The following CTSD variants were observed in gnomAD, a reference collection of about 807,000 sequenced individuals.
CTSD encodes cathepsin D.
Under a neutral mutation model 43.6 loss-of-function variants are expected in CTSD, and 28 were observed. That is an observed-to-expected ratio of 0.64 (90% CI 0.48 to 0.88). The LOEUF is 0.88. Ranked by LOEUF, CTSD falls within the 40% of genes least tolerant of loss-of-function variation. The pLI is 0.00. For missense variants in CTSD, 485 were observed against 555.2 expected (o/e 0.87, Z 1.27); for synonymous variants, 270 against 249.8 (o/e 1.08, Z -0.76).
At chr11:1,754,567 GGAGATGGAGGGTCATGAAGAGTCACAGA>G (rs1482518132) in intron 6 of CTSD, among the ~76,000 whole-genome samples, 4 of 139,258 alleles carry the variant, frequency 2.9e-5, no homozygotes, top group East Asian at 2.2e-4. Context: ...GAGGGATGGA[GGAGATGGAGGGTCATGAAGAGTCACAGA>G]GGGATGAGGG....
At chr11:1,755,144 T>G in intron 5 of CTSD, 116 bp from the exon 6 acceptor site, 1 of 1,248,244 alleles carries the variant, frequency 8.0e-7, no homozygotes, top group Non-Finnish European at 1.2e-6. Context: ...GGAGGGGCCT[T>G]TCTGAAACTG....
In CTSD at chr11:1,754,358, G is replaced by GGAGGGATGGAGGGGCATA; in HGVS notation, c.828-221_828-220insTATGCCCCTCCATCCCTC. The stretch of plus-strand genomic sequence containing the variant: ...ACCCTCAGGTGGTGGTGAGGGGCAT[G>GGAGGGATGGAGGGGCATA]GAGGGATGGAGGGGATGGAGGGGCA... On this transcript the variant is annotated intron_variant, in intron 6 of 8. Transcript: ENST00000236671. The GGAGGGATGGAGGGGCATA allele has an allele frequency of 1.2e-5, 6 of 509,074 alleles. No individual in the cohort carries two copies. The East Asian group carries it at 1.4e-4, about 12-fold the overall frequency. 31.5% of individuals were successfully genotyped at this position (509,074 alleles called of 1,614,324 possible). A position where few individuals can be genotyped will look rare whatever the true frequency, so the allele number is the denominator to read the frequency against.
At chr11:1,761,035 C>T (rs186097720) in intron 2 of CTSD, 28 of 495,720 alleles carry the variant, frequency 5.6e-5, no homozygotes, top group Non-Finnish European at 8.5e-5. Flanking sequence ...GCCCAAGGAC[C>T]GCCCCCTCAG....
At chr11:1,758,061 G>A (rs1384390868) in intron 4 of CTSD, 2 of 213,904 alleles carry the variant, frequency 9.3e-6, no homozygotes, top group Admixed American at 5.4e-5. Context: ...ATGTGGGAAG[G>A]GAACGACAGC....
At chr11:1,759,223 C>A in intron 3 of CTSD, 136 bp from the exon 4 acceptor site, 1 of 886,552 alleles carries the variant, frequency 1.1e-6, no homozygotes, top group Non-Finnish European at 1.9e-6. Context: ...TGGAGGGGAT[C>A]TGAGGCCCAC....
chr11:1,753,402 G>A lies in CTSD; in HGVS notation c.*101C>T, dbSNP rs549482755. On this transcript the variant is annotated 3_prime_UTR_variant, in exon 9 of 9. Coordinates refer to ENST00000236671, the MANE Select transcript of CTSD (RefSeq NM_001909.5). ...TTCCAGGGCGCCCAGGACAGTGGGC[G>A]GGCGAGTGTGTGGGTGTGTGTGGGA... 31 of 1,426,110 alleles carry A rather than the reference G, an allele frequency of 2.2e-5. No homozygotes were observed. Among genetic ancestry groups the A allele is most frequent in the Middle Eastern group, 1.8e-4 (1 of 5,546 alleles). 88.3% of individuals were successfully genotyped at this position (1,426,110 alleles called of 1,614,324 possible).
At position 1,753,109 on chromosome 11, in the gene CTSD, A is replaced by G. The variant is rs1845747030; in HGVS notation, c.*394T>C. 2 of 311,732 alleles carry G rather than the reference A, an allele frequency of 6.4e-6. No individual in the cohort carries two copies. The highest frequency in any genetic ancestry group is 1.3e-5 in the Non-Finnish European group (2 of 159,986). The allele number at this position is 311,732 out of a possible 1,614,324, so 19.3% of individuals were successfully genotyped here. On this transcript the variant is annotated 3_prime_UTR_variant, in exon 9 of 9. Transcript: ENST00000236671. Reference sequence around the variant, plus strand: ...GCAGGTTTCCAAGGGAGGGCCCGGGAGGACGGCCTGGTGTGGGGTAGGGGC... The same window carrying G: ...GCAGGTTTCCAAGGGAGGGCCCGGGGGGACGGCCTGGTGTGGGGTAGGGGC...
At chr11:1,763,353 C>T (rs914067470) in intron 1 of CTSD, among the ~76,000 whole-genome samples, 3 of 152,226 alleles carry the variant, frequency 2.0e-5, no homozygotes, top group Admixed American at 6.5e-5. Context: ...CCCCAGTTCA[C>T]AGGTGGTAAA....
chr11:1,753,346 C>A lies in CTSD; in HGVS notation c.*157G>T. 2 of 823,932 alleles carry A rather than the reference C, an allele frequency of 2.4e-6. No individual in the cohort carries two copies. Among genetic ancestry groups the A allele is most frequent in the Non-Finnish European group, 4.1e-6 (2 of 492,728 alleles). The allele number at this position is 823,932 out of a possible 1,614,324, so 51.0% of individuals were successfully genotyped here. A position where few individuals can be genotyped will look rare whatever the true frequency, so the allele number is the denominator to read the frequency against. On this transcript the variant is annotated 3_prime_UTR_variant, in exon 9 of 9. Transcript: ENST00000236671. ...ACCCAGGGAGGGGAAAACCACAGAA[C>A]AAAACAGCAAGTCGGGCTTGGGCCG...
chr11:1,754,891 G>A lies in CTSD; in HGVS notation c.827+15C>T. On this transcript the variant is annotated intron_variant, in intron 6 of 8. Coordinates refer to ENST00000236671, the MANE Select transcript of CTSD (RefSeq NM_001909.5). ...CCCACAGAACCCAGGGGAGCCGACTGCAGCCACTACTCACTGGTCCAGGTG... is the reference window on the plus strand; with the variant it reads ...CCCACAGAACCCAGGGGAGCCGACTACAGCCACTACTCACTGGTCCAGGTG... 1 of 1,613,552 alleles carries A rather than the reference G, an allele frequency of 6.2e-7. No homozygotes were observed.
chr11:1,753,986 G>A lies in CTSD; in HGVS notation c.972+8C>T. The A allele has an allele frequency of 6.2e-7, 1 of 1,603,136 alleles. No homozygotes were observed. Among genetic ancestry groups the A allele is most frequent in the Non-Finnish European group, 8.5e-7 (1 of 1,174,844 alleles). The stretch of plus-strand genomic sequence containing the variant: ...GCCCCAGCCCCAGCCCCAGCCCCCG[G>A]CGCTCACCTCGCCCTGAATCAGCGG... On this transcript the variant is annotated splice_region_variant and intron_variant, in intron 7 of 8. Coordinates refer to ENST00000236671, the MANE Select transcript of CTSD (RefSeq NM_001909.5).
rs772742148 is a variant in CTSD, at chr11:1,753,512, G to C, written c.1230C>G (p.Ala410=). 4.3e-6 allele frequency: 7 copies of C among 1,612,822 alleles called. No homozygotes were observed. The highest frequency in any genetic ancestry group is 5.9e-6 in the Non-Finnish European group (7 of 1,179,918). The part of the protein sequence containing the change: ...DNNRVGFAEA[A]RL ...GCGGACGCCTTGGGAACTAGAGGCG[G>C]GCAGCCTCGGCGAAGCCCACCCTGT... Residue 410 remains alanine, a synonymous_variant, in exon 9 of 9, where the codon GCC becomes GCG. Transcript: ENST00000236671.
At chr11:1,758,492 C>A (rs533851802) in intron 4 of CTSD, among the ~76,000 whole-genome samples, 1 of 152,234 alleles carries the variant, frequency 6.6e-6, no homozygotes, top group African/African-American at 2.4e-5. Context: ...GCGGGGCCCC[C>A]AACAGCCACT....
Position 1,759,100 on chromosome 11 carries a change from A to T in CTSD, c.353-13T>A, listed in dbSNP as rs755280214. ...TTGTGGTGGATCCCTGCCCCGGGCGACAAGGGGGCCCGCCGGTCATCCCGC... is the reference window on the plus strand; with the variant it reads ...TTGTGGTGGATCCCTGCCCCGGGCGTCAAGGGGGCCCGCCGGTCATCCCGC... On this transcript the variant is annotated splice_polypyrimidine_tract_variant and intron_variant, in intron 3 of 8. Coordinates refer to ENST00000236671, the MANE Select transcript of CTSD (RefSeq NM_001909.5). 6.3e-7 allele frequency: 1 copy of T among 1,586,630 alleles called. No homozygotes were observed. Among genetic ancestry groups the T allele is most frequent in the Non-Finnish European group, 8.7e-7 (1 of 1,155,082 alleles).
At chr11:1,758,760 G>A (rs1417903451) in intron 4 of CTSD, among the ~76,000 whole-genome samples, 3 of 152,074 alleles carry the variant, frequency 2.0e-5, no homozygotes, top group Admixed American at 6.5e-5. Flanking sequence ...CCCTGCCCCT[G>A]TACCCCCTGG....
chr11:1,761,465 G>C lies in CTSD; in HGVS notation c.72C>G (p.Ile24Met), dbSNP rs1308888825. 6.2e-7 allele frequency: 1 copy of C among 1,613,688 alleles called. No homozygotes were observed. The highest frequency in any genetic ancestry group is 1.3e-5 in the African/African-American group (1 of 74,930). The change falls in exon 2 of 9, where the codon ATC becomes ATG. Residue 24 changes from isoleucine (I) to methionine (M), a missense_variant. Physicochemically the swap from Ile to Met is conservative, Grantham distance 10. Transcript: ENST00000236671. ...GGATGGACGTGAACTTGTGCAGCGG[G>C]ATCCTGTCAACCACGGGTCGGGGCA... ...LAAPASALVR[I>M]PLHKFTSIRR...
In CTSD at chr11:1,761,402, G is replaced by C. The variant is rs573939509; in HGVS notation, c.135C>G (p.Asp45Glu). The change falls in exon 2 of 9, where the codon GAC becomes GAG. Residue 45 changes from aspartate to glutamate, a missense_variant. Physicochemically the swap from Asp to Glu is conservative, Grantham distance 45. Coordinates refer to ENST00000236671, the MANE Select transcript of CTSD (RefSeq NM_001909.5). The part of the protein sequence containing the change: ...TMSEVGGSVE[D>E]LIAKGPVSKY... ...TTGAGACGGGGCCTTTGGCAATCAG[G>C]TCCTCCACAGAGCCCCCAACCTCCG... The C allele has an allele frequency of 1.2e-6, 2 of 1,613,832 alleles. No homozygotes were observed. Among genetic ancestry groups the C allele is most frequent in the African/African-American group, 2.7e-5 (2 of 75,060 alleles).
intron 6 of CTSD, 99 bp from the exon 7 acceptor site, chr11:1,754,237 TC>T (rs1845767603): frequency 1.0e-5 from 14 of 1,388,560 alleles, no homozygotes; most frequent in African/African-American, 1.4e-5. Context: ...TGGGCTGCAC[TC>T]TCCTCCCCTC....
intron 6 of CTSD, among the ~76,000 whole-genome samples, chr11:1,754,408 G>GC (rs74220883): frequency 3.2e-4 from 40 of 123,638 alleles, no homozygotes; most frequent in Admixed American, 5.1e-4. Context: ...GGATGGAGGG[G>GC]ATGAAGGGAT....
Sources: gnomAD v4.1 joint callset for allele counts (sites outside exome capture counted in the v4.1 genomes callset) on GRCh38, gnomAD v4.1.1 for gene constraint, MANE v1.5 for transcripts, NCBI Gene and HGNC (gene_info 2026-07-23, HGNC 2026-07-21) for gene names.